Variants in CNTN1 observed in about 807,000 individuals in gnomAD.
The protein encoded by CNTN1 is contactin 1, also known as contactin-1.
CNTN1 carries 38 observed loss-of-function variants against 126.4 expected under a neutral mutation model. The ratio of observed to expected loss-of-function variants is 0.30; its 90% CI spans 0.23 to 0.39. CNTN1 has a LOEUF of 0.39. CNTN1 is among the 10% of genes least tolerant of loss of function. CNTN1 has a pLI of 1.00. For synonymous variants in CNTN1, 413 were observed against 422.6 expected, an observed-to-expected ratio of 0.98 and a Z score of 0.28; for missense variants, 1,009 against 1,248.4, an observed-to-expected ratio of 0.81 and a Z score of 2.89.
intron 6 of CNTN1, among the ~76,000 whole-genome samples, chr12:40,929,429 C>G (rs925148233): frequency 6.6e-6 from 1 of 151,736 alleles, no homozygotes; most frequent in Non-Finnish European, 1.5e-5. Flanking sequence ...GCAGATTAAT[C>G]ATGGCTTTCG....
In CNTN1 at chr12:40,831,781, C is replaced by T. The variant is rs533520779; in HGVS notation, c.-76-76576C>T. On this transcript the variant is annotated intron_variant, in intron 1 of 23. Transcript: ENST00000551295. ...TTGAGAATCCTCTTGTTTGGTTTTG[C>T]TAGGTACTCTGGTTTTGTAGATGCA... Among the ~76,000 whole-genome samples, 4 of 152,156 alleles carry T rather than the reference C, an allele frequency of 2.6e-5. No individual in the cohort carries two copies. In the South Asian group the frequency reaches 8.3e-4, roughly 32 times the overall value.
chr12:40,778,109 A>AT (rs914136372), intron 1 of CNTN1, among the ~76,000 whole-genome samples: 7 of 151,772 alleles, frequency 4.6e-5, no homozygotes, highest in African/African-American at 1.5e-4. Flanking sequence ...CAGTCATCCT[A>AT]TTTTTTTAAT....
At chr12:40,904,254 G>C (rs745835848) in intron 1 of CNTN1, among the ~76,000 whole-genome samples, 1 of 151,910 alleles carries the variant, frequency 6.6e-6, no homozygotes, top group Non-Finnish European at 1.5e-5. Context: ...TCCTGACCTC[G>C]TGATCCGTCC....
chr12:40,933,802 A>T lies in CNTN1; in HGVS notation c.909A>T (p.Glu303Asp), dbSNP rs758056182. ...TTAAGATCTTCAATATTCAGCTAGA[A>T]GATGAAGGCATCTATGAATGTGAGG... ...AVLKIFNIQLEDEGIYECEAE... is the reference protein window; with the variant it reads ...AVLKIFNIQLDDEGIYECEAE... The change falls in exon 9 of 24, where the codon GAA (glutamate) becomes GAT (aspartate). Residue 303 changes from glutamate (E) to aspartate (D), a missense_variant. Coordinates refer to ENST00000551295, the MANE Select transcript of CNTN1 (RefSeq NM_001843.4). 8 of 1,612,622 alleles carry T rather than the reference A, an allele frequency of 5.0e-6. No homozygotes were observed. In the Admixed American group the frequency reaches 1.3e-4, roughly 27 times the overall value.
intron 4 of CNTN1, 121 bp downstream of exon 4, chr12:40,918,892 A>G: frequency 2.5e-6 from 3 of 1,204,524 alleles, no homozygotes; most frequent in Non-Finnish European, 3.7e-6. Flanking sequence ...CATTAACAAA[A>G]ATATTGGCAT....
chr12:41,010,112 G>A (rs370422216), intron 17 of CNTN1, among the ~76,000 whole-genome samples: 4 of 152,164 alleles, frequency 2.6e-5, no homozygotes, highest in Middle Eastern at 3.4e-3. Flanking sequence ...GAGAGGAGAA[G>A]AGAGAGAGAG....
At chr12:40,958,780 T>G (rs1180144472) in intron 14 of CNTN1, among the ~76,000 whole-genome samples, 1 of 152,052 alleles carries the variant, frequency 6.6e-6, no homozygotes, top group Non-Finnish European at 1.5e-5. Flanking sequence ...TACTTAAAAC[T>G]TATTGATACT....
intron 23 of CNTN1, among the ~76,000 whole-genome samples, chr12:41,067,083 T>C (rs1950061850): frequency 6.6e-6 from 1 of 152,194 alleles, no homozygotes. Context: ...GAAAAACTCC[T>C]CAAGAATATA....
At chr12:40,957,392 T>G (rs1252981176) in intron 14 of CNTN1, among the ~76,000 whole-genome samples, 1 of 151,362 alleles carries the variant, frequency 6.6e-6, no homozygotes, top group African/African-American at 2.4e-5. Flanking sequence ...CCAACAGGAC[T>G]TTTAAAAACA....
At chr12:40,826,089 T>A (rs1941606273) in intron 1 of CNTN1, among the ~76,000 whole-genome samples, 2 of 152,164 alleles carry the variant, frequency 1.3e-5, no homozygotes, top group Non-Finnish European at 2.9e-5. Flanking sequence ...AATCATGCCA[T>A]TTTAGGAAAC....
At chr12:40,747,305 A>ATGTGTG (rs58826763) in intron 1 of CNTN1, among the ~76,000 whole-genome samples, 5,959 of 148,004 alleles carry the variant, frequency 0.04, 131 homozygotes, top group African/African-American at 0.05. Flanking sequence ...TTGTGAAGGG[A>ATGTGTG]TGTGTGTGTG....
intron 11 of CNTN1, among the ~76,000 whole-genome samples, chr12:40,938,946 T>C (rs1156334538): frequency 1.3e-5 from 2 of 152,058 alleles, no homozygotes. Flanking sequence ...GCTAATTTTT[T>C]TGTATTTTAG....
At chr12:40,736,661 T>C (rs1031864961) in intron 1 of CNTN1, among the ~76,000 whole-genome samples, 1 of 152,120 alleles carries the variant, frequency 6.6e-6, no homozygotes, top group African/African-American at 2.4e-5. Flanking sequence ...ACCACTTGCA[T>C]TGATAAAGAA....
At chr12:40,869,390 C>T (rs1943411703) in intron 1 of CNTN1, among the ~76,000 whole-genome samples, 2 of 151,772 alleles carry the variant, frequency 1.3e-5, no homozygotes, top group East Asian at 3.9e-4. Context: ...AACTCAGTCG[C>T]CAGAGTAAGT....
chr12:40,822,148 C>CTTTTTTTTTTTTTTTTTTTTTTTTTTT lies in CNTN1; in HGVS notation c.-76-86185_-76-86184insTTTTTTTTTTTTTTTTTTTTTTTTTTT, dbSNP rs777953120. On this transcript the variant is annotated intron_variant, in intron 1 of 23. Coordinates refer to ENST00000551295, the MANE Select transcript of CNTN1 (RefSeq NM_001843.4). ...TTTCCAGTCTAGACAAAATATAAATCTTTTTTTTTTTTTTTTTTTTTTTTG... is the reference window on the plus strand; with the variant it reads ...TTTCCAGTCTAGACAAAATATAAATCTTTTTTTTTTTTTTTTTTTTTTTTTTTTTTTTTTTTTTTTTTTTTTTTTTTG... Among the ~76,000 whole-genome samples, 78 of 47,260 alleles carry CTTTTTTTTTTTTTTTTTTTTTTTTTTT rather than the reference C, an allele frequency of 1.7e-3. 18 individuals carry two copies. Among genetic ancestry groups the CTTTTTTTTTTTTTTTTTTTTTTTTTTT allele is most frequent in the Non-Finnish European group, 2.1e-3 (50 of 23,474 alleles). The allele number at this position is 47,260 out of a possible 152,430, so 31.0% of individuals were successfully genotyped here.
At chr12:41,024,403 A>T (rs924169590) in intron 20 of CNTN1, among the ~76,000 whole-genome samples, 2 of 152,074 alleles carry the variant, frequency 1.3e-5, no homozygotes, top group African/African-American at 2.4e-5. Flanking sequence ...TAAATCTTGA[A>T]TGCAAAAAAG....
chr12:41,028,324 G>A (rs980456616), intron 22 of CNTN1, among the ~76,000 whole-genome samples: 3 of 152,124 alleles, frequency 2.0e-5, no homozygotes, highest in African/African-American at 7.2e-5. Flanking sequence ...GAGCCACCAC[G>A]GCTGGCCCCA....
intron 12 of CNTN1, among the ~76,000 whole-genome samples, chr12:40,940,332 A>G (rs779208063): frequency 2.0e-5 from 3 of 152,106 alleles, no homozygotes; most frequent in Non-Finnish European, 2.9e-5. Context: ...CTTTTAAGAG[A>G]TGAGACATAG....
chr12:41,010,679 T>C (rs1407302946), intron 17 of CNTN1, among the ~76,000 whole-genome samples: 3 of 152,194 alleles, frequency 2.0e-5, no homozygotes, highest in Non-Finnish European at 4.4e-5. Flanking sequence ...AAAGGTATGT[T>C]TTATGAGTGC....
Sources: gnomAD v4.1 joint callset for allele counts (sites outside exome capture counted in the v4.1 genomes callset) on GRCh38, gnomAD v4.1.1 for gene constraint, MANE v1.5 for transcripts, NCBI Gene and HGNC (gene_info 2026-07-23, HGNC 2026-07-21) for gene names.